The following JMJD1C variants were observed in gnomAD, a reference collection of about 807,000 sequenced individuals.
The protein encoded by JMJD1C is jumonji domain-containing protein 1C.
JMJD1C carries 31 observed loss-of-function variants against 245.3 expected under a neutral mutation model. The observed-to-expected ratio is 0.13, with a 90% CI of 0.09 to 0.17. The LOEUF (loss-of-function observed/expected upper bound fraction) is 0.17, where lower values mean the gene tolerates loss of function less well. JMJD1C is among the 10% of genes least tolerant of loss of function. The pLI is 1.00. For synonymous variants in JMJD1C, 1,057 were observed against 1,017.4 expected (o/e 1.04, Z -0.74); for missense variants, 2,691 against 3,000.2 (o/e 0.90, Z 2.41).
chr10:63,384,875 G>A (rs1262580723), intron 1 of JMJD1C, among the ~76,000 whole-genome samples: 1 of 152,112 alleles, frequency 6.6e-6, no homozygotes, highest in Non-Finnish European at 1.5e-5. Context: ...TTCAAAAGCT[G>A]TTCCTTGGCA....
chr10:63,182,347 G>A (rs1843590912), intron 22 of JMJD1C, among the ~76,000 whole-genome samples: 1 of 152,218 alleles, frequency 6.6e-6, no homozygotes, highest in Non-Finnish European at 1.5e-5. Flanking sequence ...ATTATAGACA[G>A]GGGTGAGTAA....
chr10:63,380,150 C>G, intron 2 of JMJD1C, 168 bp downstream of exon 2: 1 of 557,518 alleles, frequency 1.8e-6, no homozygotes, highest in Non-Finnish European at 3.1e-6. Flanking sequence ...CGCTTTTTTG[C>G]CCAGGCTGAT....
chr10:63,448,703 A>T (rs150516219), intron 1 of JMJD1C, among the ~76,000 whole-genome samples: 2 of 152,358 alleles, frequency 1.3e-5, no homozygotes, highest in African/African-American at 4.8e-5. Flanking sequence ...GAGGTGAGAA[A>T]TCATTTGAAG....
At chr10:63,276,884 CT>C (rs760452367) in intron 2 of JMJD1C, among the ~76,000 whole-genome samples, 32 of 96,280 alleles carry the variant, frequency 3.3e-4, no homozygotes, top group South Asian at 7.4e-4. Context: ...AAGCTTGGGG[CT>C]TTTTTTTTTT....
intron 1 of JMJD1C, among the ~76,000 whole-genome samples, chr10:63,496,542 G>A (rs1462732802): frequency 6.6e-6 from 1 of 152,114 alleles, no homozygotes; most frequent in Non-Finnish European, 1.5e-5. Flanking sequence ...AGAGTCCCTT[G>A]AATTCAGAGA....
At chr10:63,396,568 G>A (rs376756164) in intron 1 of JMJD1C, among the ~76,000 whole-genome samples, 2 of 152,124 alleles carry the variant, frequency 1.3e-5, no homozygotes, top group Admixed American at 6.6e-5. Flanking sequence ...GCAATGTAGC[G>A]AATTTGGTTG....
chr10:63,178,427 A>AG (rs1276849195), intron 22 of JMJD1C, among the ~76,000 whole-genome samples: 1 of 152,154 alleles, frequency 6.6e-6, no homozygotes, highest in Non-Finnish European at 1.5e-5. Flanking sequence ...CCCTGTTCCA[A>AG]GGGGGTGGTC....
chr10:63,216,504 A>G (rs1415229907), intron 5 of JMJD1C, among the ~76,000 whole-genome samples: 1 of 151,940 alleles, frequency 6.6e-6, no homozygotes, highest in East Asian at 1.9e-4. Flanking sequence ...AGGTCAGGAA[A>G]TCGAGACCAT....
intron 2 of JMJD1C, among the ~76,000 whole-genome samples, chr10:63,282,783 C>T (rs2133895258): frequency 6.6e-6 from 1 of 152,304 alleles, no homozygotes; most frequent in Non-Finnish European, 1.5e-5. Context: ...GTGGCGCGAT[C>T]TCGGCTCACT....
chr10:63,276,492 CTGGCCAACA>C (rs1856789947), intron 2 of JMJD1C, among the ~76,000 whole-genome samples: 1 of 151,140 alleles, frequency 6.6e-6, no homozygotes, highest in Non-Finnish European at 1.5e-5. Flanking sequence ...AAAGACCAGC[CTGGCCAACA>C]TGGTGAAACC....
intron 3 of JMJD1C, among the ~76,000 whole-genome samples, chr10:63,246,401 G>A (rs985082378): frequency 6.6e-6 from 1 of 151,912 alleles, no homozygotes; most frequent in Non-Finnish European, 1.5e-5. Flanking sequence ...TAAGAAGGGA[G>A]GGCGACAACA....
intron 2 of JMJD1C, among the ~76,000 whole-genome samples, chr10:63,343,366 CA>C (rs1186173323): frequency 5.7e-5 from 6 of 104,540 alleles, no homozygotes; most frequent in African/African-American, 1.1e-4. Flanking sequence ...AACTCCATCT[CA>C]AAAAAAAAAC....
intron 2 of JMJD1C, among the ~76,000 whole-genome samples, chr10:63,372,359 T>G (rs1266613671): frequency 6.6e-6 from 1 of 152,228 alleles, no homozygotes; most frequent in Admixed American, 6.5e-5. Context: ...TTGTGAGGAC[T>G]TCTGTTTCTT....
chr10:63,185,446 AT>A, intron 20 of JMJD1C, 116 bp downstream of exon 20: 1 of 707,800 alleles, frequency 1.4e-6, no homozygotes. Context: ...CAAGTTATTT[AT>A]TTTTAATTGA....
At chr10:63,451,345 T>C (rs570885119) in intron 1 of JMJD1C, among the ~76,000 whole-genome samples, 2 of 152,260 alleles carry the variant, frequency 1.3e-5, no homozygotes, top group South Asian at 4.1e-4. Context: ...AGAACAGAGT[T>C]GAATAACTCA....
At chr10:63,258,332 G>T (rs1854238383) in intron 3 of JMJD1C, among the ~76,000 whole-genome samples, 2 of 152,130 alleles carry the variant, frequency 1.3e-5, no homozygotes, top group South Asian at 4.1e-4. Context: ...ATGCTACAAT[G>T]AATCTCTAAA....
chr10:63,448,898 C>T (rs1951866084), intron 1 of JMJD1C, among the ~76,000 whole-genome samples: 1 of 152,080 alleles, frequency 6.6e-6, no homozygotes, highest in Admixed American at 6.6e-5. Flanking sequence ...GGGCGAATCA[C>T]CTGAAGTCAG....
At chr10:63,242,114 C>A (rs985335216) in intron 3 of JMJD1C, among the ~76,000 whole-genome samples, 23 of 152,118 alleles carry the variant, frequency 1.5e-4, no homozygotes, top group Admixed American at 5.2e-4. Flanking sequence ...CAGAAGTTCA[C>A]AGGGGCATGC....
In JMJD1C at chr10:63,189,341, G is replaced by A; in HGVS notation, c.6397C>T (p.Pro2133Ser). 6.2e-7 allele frequency: 1 copy of A among 1,613,706 alleles called. No individual in the cohort carries two copies. The highest frequency in any genetic ancestry group is 8.5e-7 in the Non-Finnish European group (1 of 1,179,860). Residue 2133 changes from proline to serine, a missense_variant, in exon 18 of 26, where the codon CCA becomes TCA. By Grantham distance (74) the Pro-to-Ser change is moderately conservative. Coordinates refer to ENST00000399262, the MANE Select transcript of JMJD1C (RefSeq NM_032776.3). ...PSKTSKINVK[P>S]ELKEEPEESI... ...TCTTCAGGCTCTTCTTTAAGCTCTGGTTTTACATTTATCTTGGAGGTTTTA... is the reference window on the plus strand; with the variant it reads ...TCTTCAGGCTCTTCTTTAAGCTCTGATTTTACATTTATCTTGGAGGTTTTA...
Sources: allele counts gnomAD v4.1 joint callset (sites outside exome capture counted in the v4.1 genomes callset), GRCh38; gene constraint gnomAD v4.1.1; transcripts MANE v1.5; gene names NCBI Gene and HGNC (gene_info 2026-07-23, HGNC 2026-07-21).